WDR27: variants seen among roughly 807,000 people sequenced by gnomAD.
WDR27 encodes WD repeat domain 27.
WDR27 carries 100 observed loss-of-function variants against 114.4 expected under a neutral mutation model. The observed-to-expected ratio is 0.87, with a 90% CI of 0.74 to 1.03. The LOEUF (loss-of-function observed/expected upper bound fraction) is 1.03, where lower values mean the gene tolerates loss of function less well. WDR27 is among the 50% of genes least tolerant of loss of function. WDR27 has a pLI of 0.00. For missense variants in WDR27, 1,129 were observed against 1,092.9 expected, an observed-to-expected ratio of 1.03 and a Z score of -0.47; for synonymous variants, 449 against 423.1, an observed-to-expected ratio of 1.06 and a Z score of -0.75.
At chr6:169,633,412 G>A (rs1013788901) in intron 20 of WDR27, among the ~76,000 whole-genome samples, 13 of 152,318 alleles carry the variant, frequency 8.5e-5, no homozygotes, top group South Asian at 8.3e-4. Context: ...AATTGAATAT[G>A]TAGATACTGC....
chr6:169,446,391 C>T, the WDR27 span, among the ~76,000 whole-genome samples: 2 of 151,642 alleles, frequency 1.3e-5, no homozygotes, highest in Non-Finnish European at 2.9e-5. Context: ...CAAGGCGGGA[C>T]CAGGGTGCAG....
At chr6:169,464,583 T>A (rs748926263) in intron 25 of WDR27, among the ~76,000 whole-genome samples, 3 of 152,108 alleles carry the variant, frequency 2.0e-5, no homozygotes, top group Non-Finnish European at 2.9e-5. Context: ...AAGAGTGAAA[T>A]AGCATCCACA....
intron 22 of WDR27, among the ~76,000 whole-genome samples, chr6:169,613,100 AGT>A (rs1180344653): frequency 6.6e-6 from 1 of 152,226 alleles, no homozygotes; most frequent in Non-Finnish European, 1.5e-5. Flanking sequence ...TGAAATGAGA[AGT>A]AATTTACTTA....
At chr6:169,475,442 C>G (rs1477289490) in intron 25 of WDR27, among the ~76,000 whole-genome samples, 1 of 152,126 alleles carries the variant, frequency 6.6e-6, no homozygotes, top group Admixed American at 6.5e-5. Flanking sequence ...AGGCTGATCT[C>G]AAACTCCTGA....
rs775744931 is a variant in WDR27, at chr6:169,647,736, A to G, written c.1657+37T>C. The G allele has an allele frequency of 2.0e-6, 3 of 1,484,248 alleles. No homozygotes were observed. The Admixed American group carries it at 5.9e-5, about 29-fold the overall frequency. 91.9% of individuals were successfully genotyped at this position (1,484,248 alleles called of 1,614,324 possible). A position where few individuals can be genotyped will look rare whatever the true frequency, so the allele number is the denominator to read the frequency against. On this transcript the variant is annotated intron_variant, in intron 16 of 25. Coordinates refer to ENST00000448612, the MANE Select transcript of WDR27 (RefSeq NM_182552.5). ...GTGGGCAGAATCAAAGACTCTTACA[A>G]TGAAATGCTACCCAGCTCCCGCAGG... is the stretch of plus-strand genomic sequence containing the variant.
intron 2 of WDR27, among the ~76,000 whole-genome samples, chr6:169,681,094 A>C (rs1469561358): frequency 2.6e-5 from 4 of 152,234 alleles, no homozygotes; most frequent in Admixed American, 2.6e-4. Context: ...AATTATTCCT[A>C]ATAGTGTTAC....
chr6:169,459,522 T>C (rs1321257389), intron 25 of WDR27, among the ~76,000 whole-genome samples: 1 of 151,608 alleles, frequency 6.6e-6, no homozygotes, highest in Non-Finnish European at 1.5e-5. Context: ...TTTTATGAAA[T>C]GGCTATAAAT....
intron 1 of WDR27, among the ~76,000 whole-genome samples, chr6:169,692,955 T>A (rs577347882): frequency 2.6e-5 from 4 of 152,178 alleles, no homozygotes; most frequent in African/African-American, 9.7e-5. Flanking sequence ...AAAGCTTATA[T>A]ACCCCTTCTA....
intron 3 of WDR27, 130 bp downstream of exon 3, chr6:169,672,125 A>G: frequency 1.0e-6 from 1 of 958,950 alleles, no homozygotes; most frequent in Admixed American, 3.0e-5. Flanking sequence ...AGAGAGTACA[A>G]AATTATCCCA....
At chr6:169,561,565 G>A (rs61661142) in intron 25 of WDR27, among the ~76,000 whole-genome samples, 2,454 of 151,302 alleles carry the variant, frequency 0.016, 64 homozygotes, top group African/African-American at 0.057. Context: ...TAAACAAAGA[G>A]TTACACCTAA....
chr6:169,427,809 CAA>C, the WDR27 span, among the ~76,000 whole-genome samples: 3,138 of 126,560 alleles, frequency 0.025, 74 homozygotes, highest in East Asian at 0.14. Flanking sequence ...AAACAACAAC[CAA>C]AAAAAAAAAA....
intron 25 of WDR27, among the ~76,000 whole-genome samples, chr6:169,484,962 A>G (rs1247948170): frequency 6.6e-6 from 1 of 152,230 alleles, no homozygotes; most frequent in Non-Finnish European, 1.5e-5. Context: ...ATAAGTGGCT[A>G]GCTATATGCA....
chr6:169,700,208 T>C (rs1787510534), intron 1 of WDR27, among the ~76,000 whole-genome samples: 1 of 152,194 alleles, frequency 6.6e-6, no homozygotes, highest in Non-Finnish European at 1.5e-5. Flanking sequence ...TCTTAGTCCA[T>C]AGGGCTCTGG....
chr6:169,696,819 C>T (rs533682411), intron 1 of WDR27, among the ~76,000 whole-genome samples: 259 of 152,270 alleles, frequency 1.7e-3, no homozygotes, highest in Non-Finnish European at 2.9e-3. Flanking sequence ...AAGGCTGAGG[C>T]GGGAGAATCA....
At chr6:169,538,703 TAC>T (rs10644528) in intron 25 of WDR27, among the ~76,000 whole-genome samples, 8,281 of 143,400 alleles carry the variant, frequency 0.058, 337 homozygotes, top group African/African-American at 0.13. Context: ...CATACTGGAA[TAC>T]ACACACACAC....
At chr6:169,605,464 TACAA>T (rs1808952109) in intron 22 of WDR27, among the ~76,000 whole-genome samples, 1 of 151,430 alleles carries the variant, frequency 6.6e-6, no homozygotes, top group Non-Finnish European at 1.5e-5. Flanking sequence ...CTACAGATAA[TACAA>T]ACAAATAGGA....
Position 169,684,371 on chromosome 6 carries a change from G to C in WDR27, c.189+4446C>G, listed in dbSNP as rs1170289110. On this transcript the variant is annotated intron_variant, in intron 2 of 25. Coordinates refer to ENST00000448612, the MANE Select transcript of WDR27 (RefSeq NM_182552.5). This position sits in a 1 kb window ranked among gnomAD's most constrained non-coding sequence, Gnocchi z 4.3. ...CCTGCCCCAAGAAGAAATACTTCTG[G>C]GCTGCCCAATGTCCCCGAGTCTCCA... Among the ~76,000 whole-genome samples, 4 of 152,078 alleles carry C rather than the reference G, an allele frequency of 2.6e-5. No homozygotes were observed. Among genetic ancestry groups the C allele is most frequent in the Non-Finnish European group, 5.9e-5 (4 of 68,004 alleles).
At chr6:169,554,668 A>G (rs2128107035) in intron 25 of WDR27, among the ~76,000 whole-genome samples, 1 of 152,300 alleles carries the variant, frequency 6.6e-6, no homozygotes, top group East Asian at 1.9e-4. Context: ...TTTCAGCTCA[A>G]GCAATGACTG....
intron 8 of WDR27, among the ~76,000 whole-genome samples, chr6:169,663,011 G>A (rs1298642073): frequency 6.6e-6 from 1 of 150,696 alleles, no homozygotes; most frequent in East Asian, 2.0e-4. Context: ...CTCGGATCAC[G>A]CGTCGAGGAA....
Sources: gnomAD v4.1 joint callset for allele counts (sites outside exome capture counted in the v4.1 genomes callset) on GRCh38, gnomAD v4.1.1 for gene constraint, Gnocchi (gnomAD v3.1) non-coding constraint, MANE v1.5 for transcripts, NCBI Gene and HGNC (gene_info 2026-07-23, HGNC 2026-07-21) for gene names.